ARHGAP10: variants seen among roughly 807,000 people sequenced by gnomAD.
The protein encoded by ARHGAP10 is rho GTPase-activating protein 10.
In ARHGAP10, 87 loss-of-function variants were observed where a neutral mutation model predicts 108.6. That is an observed-to-expected ratio of 0.80 (90% CI 0.67 to 0.96). The LOEUF (loss-of-function observed/expected upper bound fraction) is 0.96, where lower values mean the gene tolerates loss of function less well. ARHGAP10 is among the 40% of genes least tolerant of loss of function. ARHGAP10 has a pLI of 0.00. For missense variants in ARHGAP10, 939 were observed against 954.5 expected (o/e 0.98, Z 0.21); for synonymous variants, 347 against 341.1 (o/e 1.02, Z -0.19).
intron 3 of ARHGAP10, among the ~76,000 whole-genome samples, chr4:147,829,377 T>C (rs1579091236): frequency 1.3e-5 from 2 of 151,962 alleles, no homozygotes; most frequent in East Asian, 3.9e-4. Flanking sequence ...TTAGTAGACA[T>C]GAGGTTTCAC....
intron 10 of ARHGAP10, among the ~76,000 whole-genome samples, chr4:147,902,259 C>T (rs180811082): frequency 1.3e-5 from 2 of 152,324 alleles, no homozygotes; most frequent in East Asian, 3.9e-4. Flanking sequence ...TGCCTATCTT[C>T]AGTCCATTCT....
At chr4:148,050,015 G>A (rs371636704) in intron 20 of ARHGAP10, among the ~76,000 whole-genome samples, 32 of 151,946 alleles carry the variant, frequency 2.1e-4, no homozygotes, top group African/African-American at 6.3e-4. Flanking sequence ...TTACAGGCAC[G>A]TGCCACCGCA....
chr4:147,829,250 C>G (rs1560779281), intron 3 of ARHGAP10, among the ~76,000 whole-genome samples: 1 of 151,954 alleles, frequency 6.6e-6, no homozygotes, highest in Admixed American at 6.6e-5. Flanking sequence ...GACAGGGTTT[C>G]ACCGTGGTAG....
chr4:147,832,201 G>A (rs10018903), intron 3 of ARHGAP10, among the ~76,000 whole-genome samples: 16,721 of 151,984 alleles, frequency 0.11, 1,076 homozygotes, highest in African/African-American at 0.18. Context: ...AGCTGAGTCT[G>A]CTGTTTCACT....
chr4:148,071,444 C>G (rs1488296237), intron 22 of ARHGAP10, among the ~76,000 whole-genome samples: 4 of 152,146 alleles, frequency 2.6e-5, no homozygotes, highest in Admixed American at 1.3e-4. Context: ...GGTGAAACCC[C>G]ATCTCTACTA....
rs547315057 is a variant in ARHGAP10, at chr4:147,745,645, C to T, written c.154+13190C>T. 1.1e-4 allele frequency among the ~76,000 whole-genome samples: 16 copies of T among 152,244 alleles called. No homozygotes were observed. In the South Asian group the frequency reaches 2.9e-3, roughly 28 times the overall value. On this transcript the variant is annotated intron_variant, in intron 1 of 22. Transcript: ENST00000336498. ...TAGCTGGGACTACAGGCGCCCACAA[C>T]CACGCCCTGCTAATTTTTTGTATTT...
chr4:148,071,718 G>C (rs975158163), intron 22 of ARHGAP10, among the ~76,000 whole-genome samples: 2 of 152,192 alleles, frequency 1.3e-5, no homozygotes, highest in Non-Finnish European at 2.9e-5. Context: ...AGAGTTCACT[G>C]TGCATGTTCG....
chr4:148,043,643 A>ATATATATATATATATATATT (rs1728737356), intron 19 of ARHGAP10, among the ~76,000 whole-genome samples: 2 of 105,514 alleles, frequency 1.9e-5, no homozygotes, highest in Non-Finnish European at 3.9e-5. Flanking sequence ...ATATATATAT[A>ATATATATATATATATATATT]TATATATATT....
At chr4:148,003,554 T>C (rs1048913521) in intron 18 of ARHGAP10, among the ~76,000 whole-genome samples, 2 of 152,188 alleles carry the variant, frequency 1.3e-5, no homozygotes, top group Non-Finnish European at 2.9e-5. Context: ...TCTAAGTCTC[T>C]TTGTAGGTCT....
At chr4:147,806,273 A>G (rs1731780211) in intron 1 of ARHGAP10, among the ~76,000 whole-genome samples, 1 of 152,072 alleles carries the variant, frequency 6.6e-6, no homozygotes, top group South Asian at 2.1e-4. Flanking sequence ...ATAGTTACAT[A>G]TATCTATTAT....
chr4:147,778,414 C>T (rs376816269), intron 1 of ARHGAP10, among the ~76,000 whole-genome samples: 5 of 152,104 alleles, frequency 3.3e-5, no homozygotes, highest in East Asian at 1.9e-4. Context: ...TGACATGAGC[C>T]GCTTTCTCAC....
intron 1 of ARHGAP10, among the ~76,000 whole-genome samples, chr4:147,792,664 C>T (rs1731165066): frequency 6.6e-6 from 1 of 151,874 alleles, no homozygotes; most frequent in Non-Finnish European, 1.5e-5. Context: ...TTTTCTTATT[C>T]TCCATTATTA....
chr4:147,918,437 C>T (rs965978859), intron 13 of ARHGAP10, among the ~76,000 whole-genome samples: 6 of 152,172 alleles, frequency 3.9e-5, no homozygotes, highest in African/African-American at 1.4e-4. Flanking sequence ...ACCCAGCCCT[C>T]ATTAAGATCT....
At chr4:147,847,034 G>A in intron 3 of ARHGAP10, 117 bp from the exon 4 acceptor site, 1 of 731,984 alleles carries the variant, frequency 1.4e-6, no homozygotes. Flanking sequence ...GTGAGATAAA[G>A]CCGTTAAATA....
chr4:147,900,407 A>G (rs1447878644), intron 10 of ARHGAP10, among the ~76,000 whole-genome samples: 1 of 152,198 alleles, frequency 6.6e-6, no homozygotes, highest in African/African-American at 2.4e-5. Flanking sequence ...ACAGATAATA[A>G]TTAGGGTTTT....
intron 22 of ARHGAP10, among the ~76,000 whole-genome samples, chr4:148,067,846 A>T (rs984820735): frequency 4.6e-5 from 7 of 152,154 alleles, no homozygotes; most frequent in African/African-American, 1.7e-4. Context: ...GTGTAGCTCC[A>T]TGACTGTCCT....
intron 3 of ARHGAP10, among the ~76,000 whole-genome samples, chr4:147,846,915 G>C (rs1733658726): frequency 6.6e-6 from 1 of 152,208 alleles, no homozygotes; most frequent in Non-Finnish European, 1.5e-5. Context: ...AGTTGGGGCT[G>C]TGTTGTACAT....
chr4:147,763,887 T>G (rs962569295), intron 1 of ARHGAP10, among the ~76,000 whole-genome samples: 5 of 152,044 alleles, frequency 3.3e-5, no homozygotes, highest in Non-Finnish European at 7.4e-5. Context: ...CCTGAGTAGC[T>G]GGGATTACAG....
intron 18 of ARHGAP10, among the ~76,000 whole-genome samples, chr4:147,994,014 A>G (rs1434845148): frequency 6.6e-6 from 1 of 152,226 alleles, no homozygotes; most frequent in Non-Finnish European, 1.5e-5. Flanking sequence ...GAGAGCTGAA[A>G]TTAACTTGCC....
Sources: gnomAD v4.1 joint callset for allele counts (sites outside exome capture counted in the v4.1 genomes callset) on GRCh38, gnomAD v4.1.1 for gene constraint, MANE v1.5 for transcripts, NCBI Gene and HGNC (gene_info 2026-07-23, HGNC 2026-07-21) for gene names.